Variants in SLC34A3 observed in about 807,000 individuals in gnomAD.
SLC34A3 encodes sodium-dependent phosphate transport protein 2C.
In SLC34A3, 60 loss-of-function variants were observed where a neutral mutation model predicts 43.9. The ratio of observed to expected loss-of-function variants is 1.37; its 90% CI spans 1.11 to 1.70. SLC34A3 has a LOEUF of 1.70. Among genes scored for constraint, SLC34A3 ranks in the 40% most tolerant of loss-of-function variants. The probability of loss-of-function intolerance (pLI) is 0.00; values close to 1 mark genes in which losing one functional copy is unlikely to be tolerated. For synonymous variants in SLC34A3, 451 were observed against 386.2 expected (o/e 1.17, Z -1.97); for missense variants, 969 against 823.8 (o/e 1.18, Z -2.16).
Position 137,234,552 on chromosome 9 carries a change from G to C in SLC34A3, c.1210+20G>C. The C allele has an allele frequency of 6.2e-7, 1 of 1,609,394 alleles. No individual in the cohort carries two copies. Among genetic ancestry groups the C allele is most frequent in the Non-Finnish European group, 8.5e-7 (1 of 1,178,304 alleles). ...TCATGGGTGAGCAGGCAGGACAGAG[G>C]CCTCGGGAACGGGGGCTCGGGCTGG... On this transcript the variant is annotated intron_variant, in intron 11 of 12. Coordinates refer to ENST00000673835, the MANE Select transcript of SLC34A3 (RefSeq NM_001177316.2). The surrounding 1 kb of genome is among the most constrained non-coding windows in gnomAD (Gnocchi z 6.9).
rs745668400 is a variant in SLC34A3 at position 137,232,146 on chromosome 9, A to C, written c.160A>C (p.Ser54Arg). 1 of 1,613,088 alleles carries C rather than the reference A, an allele frequency of 6.2e-7. No homozygotes were observed. Residue 54 changes from serine (S) to arginine (R), a missense_variant, in exon 3 of 13, where the codon AGC (serine) becomes CGC (arginine). Ser to Arg is a moderately radical substitution (Grantham distance 110). Transcript: ENST00000673835. ...GACCCTCCCTCAGCTGAAGGACACA[A>C]GCCAGCCCTGGAAAGGTGGGTCTGG... ...PWTLPQLKDT[S>R]QPWKELRVAG...
Position 137,232,665 on chromosome 9 carries a change from C to A in SLC34A3, c.266C>A (p.Ser89Tyr). Residue 89 changes from serine to tyrosine, a missense_variant, in exon 4 of 13, where the codon TCT becomes TAT. By Grantham distance (144) the Ser-to-Tyr change is moderately radical. Transcript: ENST00000673835. ...GGCAGCCTGTACTTCTTCATCTGCT[C>A]TCTGGACGTCCTCAGCTCCGCCTTC... ...LLGSLYFFIC[S>Y]LDVLSSAFQL... The A allele has an allele frequency of 6.2e-7, 1 of 1,612,840 alleles. No homozygotes were observed. The highest frequency in any genetic ancestry group is 8.5e-7 in the Non-Finnish European group (1 of 1,179,942).
rs1836409607 is a variant in SLC34A3 at position 137,233,959 on chromosome 9, C to T, written c.925+18C>T. 9 of 1,527,264 alleles carry T rather than the reference C, an allele frequency of 5.9e-6. No individual in the cohort carries two copies. Among genetic ancestry groups the T allele is most frequent in the Non-Finnish European group, 1.8e-6 (2 of 1,134,550 alleles). 94.6% of individuals were successfully genotyped at this position (1,527,264 alleles called of 1,614,324 possible). On this transcript the variant is annotated intron_variant, in intron 9 of 12. Transcript: ENST00000673835. ...GCTGCCCTGTGAGGCCCGGCCCACC[C>T]CAAGCCCCCTACACCCCCCACACTC...
chr9:137,236,176 C>A lies in SLC34A3; in HGVS notation c.1560C>A (p.Pro520=). 6.2e-7 allele frequency: 1 copy of A among 1,606,136 alleles called. No individual in the cohort carries two copies. ...GGMELAAVGG[P]LVGLVLLVIL... ...TGGAGCTGGCCGCTGTCGGGGGTCCCCTGGTGGGGCTGGTGCTCCTCGTCA... is the reference window on the plus strand; with the variant it reads ...TGGAGCTGGCCGCTGTCGGGGGTCCACTGGTGGGGCTGGTGCTCCTCGTCA... The change falls in exon 13 of 13, where the codon CCC becomes CCA. Residue 520 remains proline (P), a synonymous_variant. Transcript: ENST00000673835.
rs1304028191 is a variant in SLC34A3, at chr9:137,234,475, C to T, written c.1153C>T (p.Leu385=). 4 of 1,601,388 alleles carry T rather than the reference C, an allele frequency of 2.5e-6. No individual in the cohort carries two copies. The highest frequency in any genetic ancestry group is 2.7e-5 in the African/African-American group (2 of 75,002). Residue 385 remains leucine (L), a synonymous_variant, in exon 11 of 13, where the codon CTG becomes TTG. Transcript: ENST00000673835. This position sits in a 1 kb window ranked among gnomAD's most constrained non-coding sequence, Gnocchi z 6.9. ...GYLAVLAGAG[L]TFALQSSSVF... is the part of the protein sequence containing the mutation. The stretch of plus-strand genomic sequence containing the variant: ...CCTGGCCGTCCTCGCGGGCGCCGGC[C>T]TGACCTTCGCACTGCAGAGCAGCAG...
At chr9:137,232,269 C>A in intron 3 of SLC34A3, 108 bp downstream of exon 3, 1 of 1,108,044 alleles carries the variant, frequency 9.0e-7, no homozygotes, top group Non-Finnish European at 1.4e-6. Context: ...GTGTGGGGAA[C>A]TCCGCCATGC....
At chr9:137,232,503 G>A (rs1836279897) in intron 3 of SLC34A3, 72 bp from the exon 4 acceptor site, 3 of 1,595,048 alleles carry the variant, frequency 1.9e-6, no homozygotes, top group South Asian at 1.1e-5. Flanking sequence ...AGGGGGCAGA[G>A]AATGAGGGGC....
rs1470538974 is a variant in SLC34A3, at chr9:137,236,176, C to G, written c.1560C>G (p.Pro520=). The part of the protein sequence containing the change: ...GGMELAAVGG[P]LVGLVLLVIL... ...TGGAGCTGGCCGCTGTCGGGGGTCC[C>G]CTGGTGGGGCTGGTGCTCCTCGTCA... is the stretch of plus-strand genomic sequence containing the variant. Residue 520 remains proline, a synonymous_variant, in exon 13 of 13, where the codon CCC becomes CCG. Coordinates refer to ENST00000673835, the MANE Select transcript of SLC34A3 (RefSeq NM_001177316.2). The G allele has an allele frequency of 6.2e-7, 1 of 1,606,136 alleles. No individual in the cohort carries two copies. The highest frequency in any genetic ancestry group is 1.3e-5 in the African/African-American group (1 of 74,908).
chr9:137,236,490 C>G lies in SLC34A3; in HGVS notation c.*74C>G. On this transcript the variant is annotated 3_prime_UTR_variant, in exon 13 of 13. Transcript: ENST00000673835. The stretch of plus-strand genomic sequence containing the variant: ...CTGGAGGGCCCTGGAGGGGGGGTCC[C>G]CGCGGCAGCTGACCTCCGGTCACCT... 1 of 1,304,980 alleles carries G rather than the reference C, an allele frequency of 7.7e-7. No individual in the cohort carries two copies. The allele number at this position is 1,304,980 out of a possible 1,614,324, so 80.8% of individuals were successfully genotyped here. A position where few individuals can be genotyped will look rare whatever the true frequency, so the allele number is the denominator to read the frequency against.
Position 137,236,493 on chromosome 9 carries a change from C to A in SLC34A3, c.*77C>A. The A allele has an allele frequency of 8.0e-7, 1 of 1,249,130 alleles. No individual in the cohort carries two copies. Among genetic ancestry groups the A allele is most frequent in the Non-Finnish European group, 1.1e-6 (1 of 886,722 alleles). 77.4% of individuals were successfully genotyped at this position (1,249,130 alleles called of 1,614,324 possible). A position where few individuals can be genotyped will look rare whatever the true frequency, so the allele number is the denominator to read the frequency against. ...GAGGGCCCTGGAGGGGGGGTCCCCG[C>A]GGCAGCTGACCTCCGGTCACCTGCT... On this transcript the variant is annotated 3_prime_UTR_variant, in exon 13 of 13. Transcript: ENST00000673835.
At chr9:137,231,527 C>T (rs1836211424) in intron 1 of SLC34A3, 137 bp from the exon 2 acceptor site, 1 of 662,308 alleles carries the variant, frequency 1.5e-6, no homozygotes, top group Non-Finnish European at 2.7e-6. Flanking sequence ...GGGATGGTCA[C>T]TGAGGCCTGC....
chr9:137,229,853 G>A (rs973710423), upstream of SLC34A3, among the ~76,000 whole-genome samples: 24 of 152,140 alleles, frequency 1.6e-4, no homozygotes, highest in Admixed American at 5.9e-4. Context: ...GGCTGGGGCT[G>A]GGGCCAGACT....
intron 12 of SLC34A3, 122 bp from the exon 13 acceptor site, chr9:137,235,830 G>A (rs554517065): frequency 8.6e-5 from 77 of 895,076 alleles, no homozygotes; most frequent in Admixed American, 4.9e-4. Context: ...CATCTCATCC[G>A]TGAAGCAGGA....
chr9:137,235,446 C>T (rs1836533923), intron 12 of SLC34A3, among the ~76,000 whole-genome samples: 1 of 152,228 alleles, frequency 6.6e-6, no homozygotes, highest in Non-Finnish European at 1.5e-5. Flanking sequence ...CACTTAGACC[C>T]TCCCAGTGCA....
intron 12 of SLC34A3, 116 bp from the exon 13 acceptor site, chr9:137,235,836 C>A: frequency 1.1e-6 from 1 of 925,410 alleles, no homozygotes. Flanking sequence ...ATCCGTGAAG[C>A]AGGATGAACT....
At chr9:137,235,768 G>A (rs1270538072) in intron 12 of SLC34A3, among the ~76,000 whole-genome samples, 184 bp from the exon 13 acceptor site, 1 of 152,220 alleles carries the variant, frequency 6.6e-6, no homozygotes, top group East Asian at 1.9e-4. Flanking sequence ...GCGTGCGGGA[G>A]GCGTGCTGGG....
chr9:137,231,753 G>C lies in SLC34A3; in HGVS notation c.51G>C (p.Ala17=). The change falls in exon 2 of 13, where the codon GCG becomes GCC. Residue 17 remains alanine, a synonymous_variant. Transcript: ENST00000673835. ...GSQVPHPTLD[A]VDLVEKTLRN... ...AGGTCCCCCACCCCACTCTGGACGC[G>C]GTTGACCTAGTGGAAAAGACTCTGA... 6.2e-7 allele frequency: 1 copy of C among 1,613,174 alleles called. No homozygotes were observed. Among genetic ancestry groups the C allele is most frequent in the Non-Finnish European group, 8.5e-7 (1 of 1,179,980 alleles).
In SLC34A3 at chr9:137,232,581, G is replaced by A. The variant is rs548021746; in HGVS notation, c.182G>A (p.Arg61His). Residue 61 changes from arginine (R) to histidine (H), a missense_variant, in exon 4 of 13, where the codon CGC becomes CAC. Arg to His is a conservative substitution (Grantham distance 29). Transcript: ENST00000673835. ...GCCTGCCCTGTGTCCTCAGAGCTCC[G>A]CGTGGCCGGCAGGCTGCGCCGCGTG... ...KDTSQPWKELRVAGRLRRVAG... is the reference protein window; with the variant it reads ...KDTSQPWKELHVAGRLRRVAG... 1.5e-5 allele frequency: 24 copies of A among 1,609,014 alleles called. No homozygotes were observed. The East Asian group carries it at 1.8e-4, about 12-fold the overall frequency.
intron 7 of SLC34A3, 48 bp downstream of exon 7, chr9:137,233,452 GGGA>G (rs1564418437): frequency 1.3e-5 from 20 of 1,588,692 alleles, no homozygotes; most frequent in Non-Finnish European, 1.7e-5. Context: ...CAGGCCGGAT[GGGA>G]GGAGGGGAGG....
Sources: gnomAD v4.1 joint callset for allele counts (sites outside exome capture counted in the v4.1 genomes callset) on GRCh38, gnomAD v4.1.1 for gene constraint, Gnocchi (gnomAD v3.1) non-coding constraint, MANE v1.5 for transcripts, NCBI Gene and HGNC (gene_info 2026-07-23, HGNC 2026-07-21) for gene names.